DOCK3: variants seen among roughly 807,000 people sequenced by gnomAD.
DOCK3 encodes the protein dedicator of cytokinesis protein 3.
A neutral mutation model predicts 265.6 loss-of-function variants in DOCK3; 60 were observed. That is an observed-to-expected ratio of 0.23 (90% CI 0.18 to 0.28). The LOEUF (loss-of-function observed/expected upper bound fraction) is 0.28, where lower values mean the gene tolerates loss of function less well. DOCK3 is among the 10% of genes least tolerant of loss of function. The pLI is 1.00. For missense variants in DOCK3, 1,981 were observed against 2,594.3 expected, an observed-to-expected ratio of 0.76 and a Z score of 5.14; for synonymous variants, 881 against 938.0, an observed-to-expected ratio of 0.94 and a Z score of 1.11.
intron 9 of DOCK3, among the ~76,000 whole-genome samples, chr3:51,103,879 A>G (rs1019860731): frequency 6.6e-6 from 1 of 152,206 alleles, no homozygotes; most frequent in Non-Finnish European, 1.5e-5. Flanking sequence ...CTGGGGATAT[A>G]CTAGGGAGCT....
At chr3:50,722,906 G>T (rs760548947) in intron 1 of DOCK3, among the ~76,000 whole-genome samples, 1 of 151,642 alleles carries the variant, frequency 6.6e-6, no homozygotes, top group Non-Finnish European at 1.5e-5. Context: ...CAAGTAGCTG[G>T]GACTACAGGC....
At position 50,989,369 on chromosome 3, in the gene DOCK3, G is replaced by A. The variant is rs542690081; in HGVS notation, c.315+55292G>A. On this transcript the variant is annotated intron_variant, in intron 5 of 52. Coordinates refer to ENST00000266037, the MANE Select transcript of DOCK3 (RefSeq NM_004947.5). ...CAGGCCAGGAGTACCAAGTCACGAT[G>A]TACAGCTAGCAGTCAGGGGGGAGAG... Among the ~76,000 whole-genome samples, 7 of 152,278 alleles carry A rather than the reference G, an allele frequency of 4.6e-5. No homozygotes were observed. The South Asian group carries it at 8.3e-4, about 18-fold the overall frequency.
chr3:51,040,363 A>G (rs1186717801), intron 5 of DOCK3, among the ~76,000 whole-genome samples: 1 of 152,192 alleles, frequency 6.6e-6, no homozygotes, highest in African/African-American at 2.4e-5. Context: ...TCACATGAAT[A>G]TTTTGGTTTC....
chr3:50,794,150 G>T lies in DOCK3; in HGVS notation c.121+15392G>T, dbSNP rs192321863. ...ATTTGCTGAGGAGTGTTTTGTGTCC[G>T]AGTATGTGGTCAATTTTAGAATGTG... is the stretch of plus-strand genomic sequence containing the variant. On this transcript the variant is annotated intron_variant, in intron 2 of 52. Coordinates refer to ENST00000266037, the MANE Select transcript of DOCK3 (RefSeq NM_004947.5). Among the ~76,000 whole-genome samples the T allele has an allele frequency of 2.0e-5, 3 of 152,246 alleles. No individual in the cohort carries two copies. In the East Asian group the frequency reaches 5.8e-4, roughly 29 times the overall value.
intron 4 of DOCK3, among the ~76,000 whole-genome samples, chr3:50,909,100 A>G (rs759377747): frequency 3.3e-5 from 5 of 151,626 alleles, no homozygotes; most frequent in Admixed American, 6.6e-5. Context: ...TTTTGAGCCT[A>G]TGTATGTCTT....
chr3:51,207,247 GGTAGATGTGAGTGAAATAAT>G, intron 12 of DOCK3, among the ~76,000 whole-genome samples: 1 of 152,226 alleles, frequency 6.6e-6, no homozygotes, highest in East Asian at 1.9e-4. Flanking sequence ...TGGGTGGAGG[GGTAGATGTGAGTGAAATAAT>G]GCAGATTGCC....
intron 1 of DOCK3, among the ~76,000 whole-genome samples, chr3:50,763,838 G>A (rs1173462493): frequency 6.6e-6 from 1 of 151,968 alleles, no homozygotes; most frequent in Non-Finnish European, 1.5e-5. Flanking sequence ...ACTAACATTT[G>A]GTTTCATCGA....
At chr3:50,772,435 T>A (rs1358268065) in intron 1 of DOCK3, among the ~76,000 whole-genome samples, 1 of 152,136 alleles carries the variant, frequency 6.6e-6, no homozygotes, top group African/African-American at 2.4e-5. Flanking sequence ...CATTTTAAAA[T>A]TACTTAAAGA....
intron 5 of DOCK3, among the ~76,000 whole-genome samples, chr3:51,044,550 A>T (rs1437139040): frequency 1.3e-5 from 2 of 151,938 alleles, no homozygotes; most frequent in Non-Finnish European, 2.9e-5. Flanking sequence ...TACCTTTGTA[A>T]CAAGCCTGCA....
chr3:50,872,252 G>T (rs1421601570), intron 3 of DOCK3, among the ~76,000 whole-genome samples: 3 of 152,224 alleles, frequency 2.0e-5, no homozygotes, highest in Non-Finnish European at 4.4e-5. Flanking sequence ...CTTTAGGGGG[G>T]ACCCCAAGTC....
intron 40 of DOCK3, among the ~76,000 whole-genome samples, chr3:51,353,354 G>A (rs951478275): frequency 1.3e-5 from 2 of 152,168 alleles, no homozygotes; most frequent in South Asian, 2.1e-4. Context: ...GCTCATGCCT[G>A]TAATCCGAGC....
chr3:50,725,450 C>G (rs1043024969), intron 1 of DOCK3, among the ~76,000 whole-genome samples: 2 of 152,044 alleles, frequency 1.3e-5, no homozygotes, highest in African/African-American at 4.8e-5. Flanking sequence ...CCTGAGGTCA[C>G]CAAAAATGGA....
chr3:51,145,266 A>C (rs112085925), intron 9 of DOCK3, among the ~76,000 whole-genome samples: 1,931 of 152,038 alleles, frequency 0.013, 51 homozygotes, highest in African/African-American at 0.042. Context: ...TTTAGGGTAC[A>C]TGTGCACAAT....
At chr3:51,077,089 G>C (rs1575986593) in intron 7 of DOCK3, among the ~76,000 whole-genome samples, 1 of 152,158 alleles carries the variant, frequency 6.6e-6, no homozygotes, top group East Asian at 1.9e-4. Flanking sequence ...AGGGAGGAAA[G>C]AGACCCAGAG....
In DOCK3 at chr3:51,205,195, G is replaced by A. The variant is rs373221418; in HGVS notation, c.1038-3579G>A. ...AAAAATAAATAAATAAATAAATACA[G>A]TGAAAAAAAAAGAAAAAGAAGGTCC... On this transcript the variant is annotated intron_variant, in intron 12 of 52. Coordinates refer to ENST00000266037, the MANE Select transcript of DOCK3 (RefSeq NM_004947.5). Among the ~76,000 whole-genome samples, 7 of 150,728 alleles carry A rather than the reference G, an allele frequency of 4.6e-5. No homozygotes were observed. The South Asian group carries it at 1.5e-3, about 31-fold the overall frequency.
chr3:51,279,706 G>A (rs925624832), intron 26 of DOCK3, among the ~76,000 whole-genome samples: 28 of 152,254 alleles, frequency 1.8e-4, no homozygotes, highest in African/African-American at 6.5e-4. Flanking sequence ...CTCTAGTCCA[G>A]CAGGATCGGC....
intron 5 of DOCK3, among the ~76,000 whole-genome samples, chr3:51,060,219 T>C (rs949300687): frequency 1.4e-4 from 22 of 151,774 alleles, no homozygotes; most frequent in Admixed American, 1.2e-3. Flanking sequence ...TAGAGGTCAG[T>C]GACAGCCACC....
chr3:51,247,725 A>G (rs1021134109), intron 22 of DOCK3, among the ~76,000 whole-genome samples: 1 of 152,182 alleles, frequency 6.6e-6, no homozygotes, highest in Non-Finnish European at 1.5e-5. Flanking sequence ...ACAAATGCCT[A>G]CTGAGCATCT....
intron 5 of DOCK3, among the ~76,000 whole-genome samples, chr3:50,942,553 A>G (rs2076324811): frequency 6.6e-6 from 1 of 152,016 alleles, no homozygotes; most frequent in African/African-American, 2.4e-5. Context: ...TATACAGTAC[A>G]TTTTTGGATT....
Sources: gnomAD v4.1 joint callset for allele counts (sites outside exome capture counted in the v4.1 genomes callset) on GRCh38, gnomAD v4.1.1 for gene constraint, MANE v1.5 for transcripts, NCBI Gene and HGNC (gene_info 2026-07-23, HGNC 2026-07-21) for gene names.